DMD: variants seen among roughly 807,000 people sequenced by gnomAD.
DMD encodes the protein mutant dystrophin.
A neutral mutation model predicts 330.1 loss-of-function variants in DMD; 63 were observed. That is an observed-to-expected ratio of 0.19 (90% CI 0.16 to 0.24). The LOEUF (loss-of-function observed/expected upper bound fraction) is 0.24. DMD is among the 10% of genes least tolerant of loss of function. The pLI is 1.00. For synonymous variants in DMD, 1,223 were observed against 959.8 expected (o/e 1.27, Z -5.07); for missense variants, 3,344 against 2,684.1 (o/e 1.25, Z -5.43).
intron 50 of DMD, among the ~76,000 whole-genome samples, chrX:31,804,649 C>T (rs761719732): frequency 6.3e-5 from 7 of 111,391 alleles, no homozygotes; most frequent in Non-Finnish European, 9.4e-5. Flanking sequence ...TCTGGAATGT[C>T]CTCCCTGACA....
At chrX:31,527,354 C>T (rs2073322646) in intron 55 of DMD, among the ~76,000 whole-genome samples, 1 of 111,639 alleles carries the variant, frequency 9.0e-6, no homozygotes, top group Admixed American at 9.5e-5. Flanking sequence ...CTGTATTTGC[C>T]AGACTTCCAT....
At chrX:31,479,233 G>T in intron 57 of DMD, 130 bp from the exon 58 acceptor site, 1 of 745,978 alleles carries the variant, frequency 1.3e-6, no homozygotes, top group Non-Finnish European at 2.0e-6. Context: ...TACACTGATG[G>T]TTATAAAATG....
rs1482427393 is a variant in DMD at position 32,554,825 on chromosome X, GGGGAGGGAGAGAGA to G, written c.1993-9505_1993-9492del. Among the ~76,000 whole-genome samples, 69 of 7,373 alleles carry G rather than the reference GGGGAGGGAGAGAGA, an allele frequency of 9.4e-3. 2 individuals are homozygous for G. In the East Asian group the frequency reaches 0.21, roughly 22 times the overall value. The allele number at this position is 7,373 out of a possible 115,157, so 6.4% of individuals were successfully genotyped here. A position where few individuals can be genotyped will look rare whatever the true frequency, so the allele number is the denominator to read the frequency against. ...GGGAGGGAGGGAGGGAGGGAGGGAGGGGGAGGGAGAGAGAGAGAGAGAGAGAGAGAGAGAGAGAG... is the reference window on the plus strand; with the variant it reads ...GGGAGGGAGGGAGGGAGGGAGGGAGGGAGAGAGAGAGAGAGAGAGAGAGAG... On this transcript the variant is annotated intron_variant, in intron 16 of 78. Coordinates refer to ENST00000357033, the MANE Select transcript of DMD (RefSeq NM_004006.3).
intron 4 of DMD, among the ~76,000 whole-genome samples, chrX:32,825,993 A>G (rs1569529578): frequency 9.0e-6 from 1 of 111,279 alleles, no homozygotes; most frequent in Non-Finnish European, 1.9e-5. Flanking sequence ...ATACACTAAA[A>G]AAATAGAAAA....
intron 19 of DMD, among the ~76,000 whole-genome samples, chrX:32,498,779 C>A (rs181172130): frequency 0.013 from 1,464 of 111,730 alleles, 26 homozygotes; most frequent in African/African-American, 0.045. Flanking sequence ...CACTGAAAAA[C>A]TGTACATATG....
chrX:32,426,169 T>C (rs780084697), intron 29 of DMD, among the ~76,000 whole-genome samples: 5 of 111,820 alleles, frequency 4.5e-5, no homozygotes, highest in African/African-American at 6.5e-5. Context: ...AGTTCCTCTG[T>C]TGAACTCTGT....
At chrX:31,737,710 TAA>T (rs34800443) in intron 51 of DMD, among the ~76,000 whole-genome samples, 2 of 110,110 alleles carry the variant, frequency 1.8e-5, no homozygotes, top group South Asian at 7.7e-4. Context: ...AGCAACAGTA[TAA>T]AAAAAATAAT....
At chrX:31,741,220 T>C (rs897623819) in intron 51 of DMD, among the ~76,000 whole-genome samples, 5 of 111,792 alleles carry the variant, frequency 4.5e-5, no homozygotes, top group African/African-American at 1.6e-4. Context: ...TTGATGAGTG[T>C]TGGAATTAAC....
intron 45 of DMD, among the ~76,000 whole-genome samples, chrX:31,940,764 G>A (rs1284101987): frequency 1.8e-4 from 20 of 110,011 alleles, no homozygotes; most frequent in Admixed American, 1.6e-3. Flanking sequence ...CAAATATTGC[G>A]GGAAAGAACG....
At chrX:31,197,858 A>G (rs1181571737) in intron 67 of DMD, among the ~76,000 whole-genome samples, 1 of 110,988 alleles carries the variant, frequency 9.0e-6, no homozygotes, top group African/African-American at 3.3e-5. Flanking sequence ...CAGTGGATGA[A>G]TGCATAAAGA....
chrX:32,050,313 T>C (rs1484874545), intron 44 of DMD, among the ~76,000 whole-genome samples: 1 of 111,285 alleles, frequency 9.0e-6, no homozygotes, highest in Non-Finnish European at 1.9e-5. Context: ...TAGAAAATTA[T>C]GCTTTTAGGA....
intron 44 of DMD, among the ~76,000 whole-genome samples, chrX:32,063,303 G>A (rs1433232141): frequency 9.1e-6 from 1 of 110,087 alleles, no homozygotes; most frequent in East Asian, 2.9e-4. Context: ...TCTATCCTTT[G>A]GAGTGATCAA....
chrX:31,510,506 C>CT (rs756448666), intron 55 of DMD, among the ~76,000 whole-genome samples: 1,314 of 84,443 alleles, frequency 0.016, 52 homozygotes, highest in African/African-American at 0.036. Context: ...TCTGACTGCT[C>CT]TTTTTTTTTT....
At chrX:31,430,057 G>A (rs1040333789) in intron 60 of DMD, among the ~76,000 whole-genome samples, 1 of 111,010 alleles carries the variant, frequency 9.0e-6, no homozygotes, top group Admixed American at 9.6e-5. Flanking sequence ...TTAGCTGAAT[G>A]CCCTTTGTAT....
chrX:33,010,972 G>GT (rs2093690990), intron 2 of DMD, among the ~76,000 whole-genome samples: 1 of 111,453 alleles, frequency 9.0e-6, no homozygotes, highest in Admixed American at 9.6e-5. Flanking sequence ...AGCAATCCAT[G>GT]TTTTAACACA....
intron 1 of DMD, among the ~76,000 whole-genome samples, chrX:33,070,544 A>G (rs1465731716): frequency 9.2e-6 from 1 of 108,703 alleles, no homozygotes; most frequent in Non-Finnish European, 1.9e-5. Flanking sequence ...CAAAAGGTAA[A>G]AGAAAAAAAT....
At chrX:31,312,981 A>C (rs960198533) in intron 62 of DMD, among the ~76,000 whole-genome samples, 14 of 109,094 alleles carry the variant, frequency 1.3e-4, no homozygotes, top group African/African-American at 4.7e-4. Context: ...GAGGGAACTT[A>C]GACGATGGGT....
At chrX:31,870,194 C>T (rs182429215) in intron 48 of DMD, among the ~76,000 whole-genome samples, 1 of 111,907 alleles carries the variant, frequency 8.9e-6, no homozygotes, top group Admixed American at 9.5e-5. Flanking sequence ...AGATTTCTTC[C>T]TGACTTTAGA....
intron 1 of DMD, among the ~76,000 whole-genome samples, chrX:33,053,733 A>T (rs1365029425): frequency 8.9e-6 from 1 of 112,231 alleles, no homozygotes; most frequent in Non-Finnish European, 1.9e-5. Flanking sequence ...CCTAAATGAT[A>T]AACTGGAGTT....
Sources: allele counts gnomAD v4.1 joint callset (sites outside exome capture counted in the v4.1 genomes callset), GRCh38; gene constraint gnomAD v4.1.1; transcripts MANE v1.5; gene names NCBI Gene and HGNC (gene_info 2026-07-23, HGNC 2026-07-21).